The following DGKH variants were observed in gnomAD, a reference collection of about 807,000 sequenced individuals.
DGKH encodes diacylglycerol kinase eta.
DGKH carries 90 observed loss-of-function variants against 159.3 expected under a neutral mutation model. The observed-to-expected ratio is 0.57, with a 90% CI of 0.48 to 0.67. The LOEUF (loss-of-function observed/expected upper bound fraction) is 0.67, where lower values mean the gene tolerates loss of function less well. Ranked by LOEUF, DGKH falls within the 30% of genes least tolerant of loss-of-function variation. The probability of loss-of-function intolerance (pLI) is 0.00; values close to 1 mark genes in which losing one functional copy is unlikely to be tolerated. For synonymous variants in DGKH, 536 were observed against 553.8 expected, an observed-to-expected ratio of 0.97 and a Z score of 0.45; for missense variants, 1,181 against 1,506.1, an observed-to-expected ratio of 0.78 and a Z score of 3.57.
rs575289183 is a variant in DGKH, at chr13:42,254,328, T to TA, written n.4127+1847_4127+1848insA. 1.9e-3 allele frequency among the ~76,000 whole-genome samples: 294 copies of TA among 152,260 alleles called. 1 individual carries two copies. Among genetic ancestry groups the TA allele is most frequent in the South Asian group, 0.011 (54 of 4,828 alleles). ...TTTATTTTGTGGGATACAAAGCAGC[T>TA]TAAAACAATGGATATATGGCCAGGT... On this transcript the variant is annotated intron_variant and non_coding_transcript_variant, in intron 30 of 30. Transcript: ENST00000498255.
rs1248007376 is a variant in DGKH at position 42,240,473 on chromosome 13, T to G, written c.*11285T>G. 6.6e-6 allele frequency: 1 copy of G among 152,244 alleles called. No individual in the cohort carries two copies. Among genetic ancestry groups the G allele is most frequent in the Non-Finnish European group, 1.5e-5 (1 of 68,048 alleles). 9.4% of individuals were successfully genotyped at this position (152,244 alleles called of 1,614,324 possible). On this transcript the variant is annotated 3_prime_UTR_variant, in exon 30 of 30. Transcript: ENST00000337343. ...TGCCCTAAAGATCATCTTTCTCTTT[T>G]ATAGACATTTAGTGTATACAGTCCA...
At chr13:42,043,420 C>G (rs561725533) in intron 1 of DGKH, among the ~76,000 whole-genome samples, 1 of 150,224 alleles carries the variant, frequency 6.7e-6, no homozygotes, top group South Asian at 2.1e-4. Flanking sequence ...GTGGTATGAT[C>G]GTAGCTCACT....
chr13:42,129,063 TTCATTACC>T (rs539858999), intron 2 of DGKH, among the ~76,000 whole-genome samples: 167 of 152,348 alleles, frequency 1.1e-3, no homozygotes, highest in African/African-American at 4.0e-3. Flanking sequence ...GCAAAGCAAA[TTCATTACC>T]TCATTTGAAC....
chr13:42,189,795 T>C (rs1957020060), intron 15 of DGKH, among the ~76,000 whole-genome samples: 1 of 151,814 alleles, frequency 6.6e-6, no homozygotes, highest in African/African-American at 2.4e-5. Flanking sequence ...GCCTCCCGAG[T>C]AGTTGGGACC....
At chr13:42,100,375 A>G (rs1452283728) in intron 1 of DGKH, among the ~76,000 whole-genome samples, 1 of 152,196 alleles carries the variant, frequency 6.6e-6, no homozygotes, top group Non-Finnish European at 1.5e-5. Context: ...ATTTTATTAT[A>G]TATTACAATG....
At chr13:42,172,434 A>T (rs1956484429) in intron 11 of DGKH, among the ~76,000 whole-genome samples, 1 of 152,212 alleles carries the variant, frequency 6.6e-6, no homozygotes. Context: ...AGCTAAAAGT[A>T]ACTAGTTTAC....
intron 3 of DGKH, among the ~76,000 whole-genome samples, chr13:42,155,045 G>A (rs1164707746): frequency 6.6e-6 from 1 of 152,168 alleles, no homozygotes; most frequent in Non-Finnish European, 1.5e-5. Context: ...AGAATGCATT[G>A]TGTATTTGGG....
intron 3 of DGKH, among the ~76,000 whole-genome samples, chr13:42,148,896 A>G (rs994216596): frequency 6.7e-6 from 1 of 148,678 alleles, no homozygotes; most frequent in Non-Finnish European, 1.5e-5. Flanking sequence ...GCCGACATAC[A>G]CAGGAAACCT....
At chr13:42,099,201 T>C (rs1954605579) in intron 1 of DGKH, among the ~76,000 whole-genome samples, 1 of 152,186 alleles carries the variant, frequency 6.6e-6, no homozygotes, top group South Asian at 2.1e-4. Context: ...TTTCATCCTG[T>C]CCTGCTTGTG....
intron 3 of DGKH, 35 bp from the exon 4 acceptor site, chr13:42,155,256 T>C: frequency 6.7e-7 from 1 of 1,488,078 alleles, no homozygotes; most frequent in Non-Finnish European, 9.1e-7. Context: ...TCTCTTTGGG[T>C]ATTAACAATC....
At chr13:42,164,659 T>A (rs1299224820) in intron 7 of DGKH, among the ~76,000 whole-genome samples, 1 of 152,206 alleles carries the variant, frequency 6.6e-6, no homozygotes, top group African/African-American at 2.4e-5. Context: ...TATCCTTGTT[T>A]TTGTTCTCAG....
At position 42,241,653 on chromosome 13, in the gene DGKH, G is replaced by A. The variant is rs1696197181; in HGVS notation, c.*12465G>A. On this transcript the variant is annotated 3_prime_UTR_variant, in exon 30 of 30. Transcript: ENST00000337343. Reference sequence around the variant, plus strand: ...TGCATGGTAAACCCACAGTAGAAGGGAAAAAGTAATGCTTTCTGGTATACT... The same window carrying A: ...TGCATGGTAAACCCACAGTAGAAGGAAAAAAGTAATGCTTTCTGGTATACT... 6.6e-6 allele frequency: 1 copy of A among 152,132 alleles called. No individual in the cohort carries two copies. The highest frequency in any genetic ancestry group is 1.5e-5 in the Non-Finnish European group (1 of 68,022). 9.4% of individuals were successfully genotyped at this position (152,132 alleles called of 1,614,324 possible).
At chr13:42,100,299 G>A (rs537273921) in intron 1 of DGKH, among the ~76,000 whole-genome samples, 50 of 152,172 alleles carry the variant, frequency 3.3e-4, no homozygotes, top group Non-Finnish European at 7.2e-4. Flanking sequence ...CCCCAGATGG[G>A]ACTGTCTAGT....
At chr13:42,090,451 T>A (rs1455861935) in intron 1 of DGKH, among the ~76,000 whole-genome samples, 1 of 152,060 alleles carries the variant, frequency 6.6e-6, no homozygotes, top group Non-Finnish European at 1.5e-5. Flanking sequence ...ACAAAACAAA[T>A]CTTGGAAAAG....
chr13:42,157,908 C>T (rs1956082446), intron 5 of DGKH, among the ~76,000 whole-genome samples: 2 of 152,056 alleles, frequency 1.3e-5, no homozygotes, highest in Non-Finnish European at 2.9e-5. Flanking sequence ...TACAGGCATG[C>T]GCCATCACAC....
intron 1 of DGKH, among the ~76,000 whole-genome samples, chr13:42,126,172 T>A (rs1232089092): frequency 6.6e-6 from 1 of 152,202 alleles, no homozygotes; most frequent in Non-Finnish European, 1.5e-5. Flanking sequence ...TTTTTAGATA[T>A]AATAAACTCA....
chr13:42,043,375 A>G (rs1722974570), intron 1 of DGKH, among the ~76,000 whole-genome samples: 1 of 151,914 alleles, frequency 6.6e-6, no homozygotes, highest in African/African-American at 2.4e-5. Context: ...TTTTTTTGAG[A>G]CAGGGGCTTG....
intron 1 of DGKH, among the ~76,000 whole-genome samples, chr13:42,072,220 G>A (rs1057036074): frequency 2.0e-5 from 3 of 152,136 alleles, no homozygotes; most frequent in Admixed American, 1.3e-4. Context: ...GCAGTGTTGT[G>A]GTTAAGATCA....
chr13:42,192,793 ATTT>A (rs1476719301), intron 16 of DGKH, among the ~76,000 whole-genome samples: 1 of 152,054 alleles, frequency 6.6e-6, no homozygotes, highest in Non-Finnish European at 1.5e-5. Context: ...TAAACTGATG[ATTT>A]TAAACCTTTT....
Sources: gnomAD v4.1 joint callset for allele counts (sites outside exome capture counted in the v4.1 genomes callset) on GRCh38, gnomAD v4.1.1 for gene constraint, MANE v1.5 for transcripts, NCBI Gene and HGNC (gene_info 2026-07-23, HGNC 2026-07-21) for gene names.